MED15: variants seen among roughly 807,000 people sequenced by gnomAD.
MED15 encodes the protein mediator complex subunit 15.
A neutral mutation model predicts 118.7 loss-of-function variants in MED15; 41 were observed. That is an observed-to-expected ratio of 0.35 (90% confidence interval 0.27 to 0.45). MED15 has a LOEUF of 0.45. Ranked by LOEUF, MED15 falls within the 20% of genes least tolerant of loss-of-function variation. The pLI, the probability that MED15 is intolerant of heterozygous loss-of-function variation, is 1.00. For synonymous variants in MED15, 436 were observed against 413.9 expected (o/e 1.05, Z -0.65); for missense variants, 740 against 1,025.5 (o/e 0.72, Z 3.80).
chr22:20,545,695 GGGT>G (rs2146489223), intron 2 of MED15, among the ~76,000 whole-genome samples: 1 of 152,164 alleles, frequency 6.6e-6, no homozygotes, highest in African/African-American at 2.4e-5. Flanking sequence ...TGGTTTCCTT[GGGT>G]GGGGGGCACT....
rs145075107 is a variant in MED15, at chr22:20,561,452, G to A, written c.452-2998G>A. Among the ~76,000 whole-genome samples the A allele has an allele frequency of 4.8e-3, 726 of 151,914 alleles. 5 individuals are homozygous for A. Among genetic ancestry groups the A allele is most frequent in the African/African-American group, 0.016 (683 of 41,428 alleles). On this transcript the variant is annotated intron_variant, in intron 5 of 17. Coordinates refer to ENST00000263205, the MANE Select transcript of MED15 (RefSeq NM_001003891.3). ...GGAGAATCGCTAGAACCCGGGAGGC[G>A]GAGGTTGCAGTGAACCGAGATCACG...
rs566979256 is a variant in MED15, at chr22:20,581,398, G to A, written c.1273-1213G>A. Among the ~76,000 whole-genome samples, 7 of 152,322 alleles carry A rather than the reference G, an allele frequency of 4.6e-5. No homozygotes were observed. In the East Asian group the frequency reaches 7.7e-4, roughly 17 times the overall value. ...GTCCTATCCCAGTACTCACAGCACT[G>A]TGGTGGAAGTGCTTGGGGGGTGGTG... On this transcript the variant is annotated intron_variant, in intron 9 of 17. Transcript: ENST00000263205.
In MED15 at chr22:20,586,570, G is replaced by A. The variant is rs139902214; in HGVS notation, c.2233G>A (p.Ala745Thr). ...TCACGCCCACTGCTCTGTTGCAGAC[G>A]CCAACCCCTTCCTCCAGTCGGTGCA... ...LWIDRQWQYD[A>T]NPFLQSVHRC... is the part of the protein sequence containing the mutation. The change falls in exon 18 of 18, where the codon GCC becomes ACC. Residue 745 changes from alanine (A) to threonine (T), a missense_variant and splice_region_variant. Ala to Thr is a moderately conservative substitution (Grantham distance 58). Transcript: ENST00000263205. 337 of 1,612,410 alleles carry A rather than the reference G, an allele frequency of 2.1e-4. No individual in the cohort carries two copies. Among genetic ancestry groups the A allele is most frequent in the Non-Finnish European group, 2.7e-4 (313 of 1,179,756 alleles).
At position 20,564,784 on chromosome 22, in the gene MED15, G is replaced by A. The variant is rs771989398; in HGVS notation, c.690+96G>A. 546 of 1,568,890 alleles carry A rather than the reference G, an allele frequency of 3.5e-4. 1 individual carries two copies. The highest frequency in any genetic ancestry group is 4.4e-4 in the Non-Finnish European group (507 of 1,151,326). The stretch of plus-strand genomic sequence containing the variant: ...ATGCTGGGTGCAGTGCCCGGAGCCA[G>A]CCGAGGGTTCTCTTGACACGTGTGC... On this transcript the variant is annotated intron_variant, in intron 6 of 17. Coordinates refer to ENST00000263205, the MANE Select transcript of MED15 (RefSeq NM_001003891.3).
chr22:20,574,996 A>G, intron 8 of MED15, 117 bp from the exon 9 acceptor site: 1 of 1,507,786 alleles, frequency 6.6e-7, no homozygotes, highest in Non-Finnish European at 9.0e-7. Flanking sequence ...CGAGCTGCCC[A>G]AGCTTTCCTT....
rs371671508 is a variant in MED15 at position 20,567,284 on chromosome 22, G to C, written c.1041+467G>C. Among the ~76,000 whole-genome samples the C allele has an allele frequency of 7.9e-5, 12 of 152,278 alleles. No homozygotes were observed. In the East Asian group the frequency reaches 2.1e-3, roughly 27 times the overall value. ...ACAAAGTTCATTACTATATTTTTGA[G>C]AGGAGTATTAATATAAAATACTGTT... is the stretch of plus-strand genomic sequence containing the variant. On this transcript the variant is annotated intron_variant, in intron 7 of 17. Coordinates refer to ENST00000263205, the MANE Select transcript of MED15 (RefSeq NM_001003891.3).
intron 2 of MED15, chr22:20,551,102 C>T (rs777063204): frequency 1.9e-6 from 1 of 539,954 alleles, no homozygotes; most frequent in East Asian, 4.9e-5. Context: ...CGCCTCATCA[C>T]CCCCAACCTG....
intron 1 of MED15, among the ~76,000 whole-genome samples, chr22:20,511,914 G>A (rs1352714237): frequency 2.3e-5 from 3 of 128,806 alleles, no homozygotes; most frequent in African/African-American, 9.2e-5. Context: ...ACCCTGACCT[G>A]GTATAGTCAT....
chr22:20,546,854 G>A (rs2055563744), intron 2 of MED15, among the ~76,000 whole-genome samples: 1 of 152,160 alleles, frequency 6.6e-6, no homozygotes, highest in Admixed American at 6.5e-5. Context: ...TCTAGGGAGT[G>A]AACCCTGGGG....
At chr22:20,542,612 A>G (rs1410290591) in intron 2 of MED15, among the ~76,000 whole-genome samples, 1 of 152,230 alleles carries the variant, frequency 6.6e-6, no homozygotes, top group African/African-American at 2.4e-5. Context: ...TTCTGAGCCC[A>G]TGTCTCTGCC....
chr22:20,549,355 GTGAAGATAGGGAGTTTCC>G, intron 2 of MED15, among the ~76,000 whole-genome samples: 1 of 152,126 alleles, frequency 6.6e-6, no homozygotes, highest in Non-Finnish European at 1.5e-5. Context: ...AGCAGACCAA[GTGAAGATAGGGAGTTTCC>G]TGACTCTTTA....
intron 1 of MED15, among the ~76,000 whole-genome samples, chr22:20,535,132 A>G (rs2055016456): frequency 6.6e-6 from 1 of 151,772 alleles, no homozygotes; most frequent in South Asian, 2.1e-4. Context: ...TAATTTTTGT[A>G]TTTTTAGTGG....
intron 17 of MED15, among the ~76,000 whole-genome samples, chr22:20,586,127 C>G (rs1168970959): frequency 6.6e-6 from 1 of 152,224 alleles, no homozygotes; most frequent in Non-Finnish European, 1.5e-5. Flanking sequence ...GGCTCAGGGA[C>G]AGTCCCCGCT....
chr22:20,568,404 T>C, intron 7 of MED15, 117 bp from the exon 8 acceptor site: 1 of 1,443,668 alleles, frequency 6.9e-7, no homozygotes, highest in Non-Finnish European at 9.3e-7. Context: ...CATGAGGTCA[T>C]GAAAGTCCCA....
At chr22:20,554,888 A>T (rs777838202) in intron 4 of MED15, 48 bp from the exon 5 acceptor site, 1 of 1,528,866 alleles carries the variant, frequency 6.5e-7, no homozygotes, top group East Asian at 2.3e-5. Flanking sequence ...AGCCATGGTC[A>T]GTCTGGTAGG....
intron 1 of MED15, among the ~76,000 whole-genome samples, chr22:20,526,071 C>T (rs2054635316): frequency 6.6e-6 from 1 of 152,014 alleles, no homozygotes. Flanking sequence ...AGGCATGCAC[C>T]ACTATGACTG....
Position 20,508,600 on chromosome 22 carries a change from C to G in MED15, c.68+854C>G, listed in dbSNP as rs144691785. Among the ~76,000 whole-genome samples, 831 of 152,142 alleles carry G rather than the reference C, an allele frequency of 5.5e-3. 7 individuals carry two copies. The highest frequency in any genetic ancestry group is 0.019 in the African/African-American group (778 of 41,488). ...CTCTGGTGGGCAGGGATGGATCTCA[C>G]AAAGTACATTCTCAAGGGTGGGGAG... On this transcript the variant is annotated intron_variant, in intron 1 of 17. Transcript: ENST00000263205.
intron 9 of MED15, 145 bp downstream of exon 9, chr22:20,575,377 T>G: frequency 1.8e-6 from 2 of 1,127,570 alleles, no homozygotes; most frequent in Non-Finnish European, 2.4e-6. Context: ...CCTTTTTTTT[T>G]TTTTTTAAAT....
Position 20,587,043 on chromosome 22 carries a change from T to G in MED15, c.*339T>G, listed in dbSNP as rs2057156100. The G allele has an allele frequency of 2.6e-6, 1 of 378,128 alleles. No individual in the cohort carries two copies. Among genetic ancestry groups the G allele is most frequent in the Non-Finnish European group, 4.9e-6 (1 of 202,106 alleles). The allele number at this position is 378,128 out of a possible 1,614,324, so 23.4% of individuals were successfully genotyped here. A position where few individuals can be genotyped will look rare whatever the true frequency, so the allele number is the denominator to read the frequency against. ...GCAGCGTGAGGGTGCACTCAGGGTG[T>G]TGTTAGAGCGTCTCGTGTGTGCTAG... On this transcript the variant is annotated 3_prime_UTR_variant, in exon 18 of 18. Coordinates refer to ENST00000263205, the MANE Select transcript of MED15 (RefSeq NM_001003891.3).
Sources: allele counts gnomAD v4.1 joint callset (sites outside exome capture counted in the v4.1 genomes callset), GRCh38; gene constraint gnomAD v4.1.1; transcripts MANE v1.5; gene names NCBI Gene and HGNC (gene_info 2026-07-23, HGNC 2026-07-21).